HS6ST2: variants seen among roughly 807,000 people sequenced by gnomAD.
HS6ST2 encodes the protein heparan-sulfate 6-O-sulfotransferase 2.
Under a neutral mutation model 33.0 loss-of-function variants are expected in HS6ST2, and 17 were observed. The observed-to-expected ratio is 0.52, with a 90% CI of 0.35 to 0.77. The LOEUF (loss-of-function observed/expected upper bound fraction) is 0.77, where lower values mean the gene tolerates loss of function less well. HS6ST2 is among the 30% of genes least tolerant of loss of function. The probability of loss-of-function intolerance (pLI) is 0.01; values close to 1 mark genes in which losing one functional copy is unlikely to be tolerated. For missense variants in HS6ST2, 519 were observed against 551.7 expected, an observed-to-expected ratio of 0.94 and a Z score of 0.59; for synonymous variants, 248 against 237.1, an observed-to-expected ratio of 1.05 and a Z score of -0.42.
intron 4 of HS6ST2, among the ~76,000 whole-genome samples, chrX:132,640,279 G>A (rs2063592918): frequency 9.0e-6 from 1 of 110,750 alleles, no homozygotes; most frequent in Admixed American, 9.7e-5. Flanking sequence ...TGAGTGGGGA[G>A]AAGAGAGTTG....
chrX:132,713,917 C>T (rs1238913466), intron 2 of HS6ST2, among the ~76,000 whole-genome samples: 3 of 111,354 alleles, frequency 2.7e-5, no homozygotes, highest in Non-Finnish European at 5.7e-5. Context: ...CTTCTAGATC[C>T]AGAGGAATGA....
chrX:132,768,335 CAAAA>C (rs771487342), intron 2 of HS6ST2, among the ~76,000 whole-genome samples: 1 of 46,342 alleles, frequency 2.2e-5, no homozygotes. Flanking sequence ...GACTCTGTCT[CAAAA>C]AAAAAAAAAA....
chrX:132,666,296 T>C (rs1370897299), intron 4 of HS6ST2, among the ~76,000 whole-genome samples: 1 of 111,686 alleles, frequency 9.0e-6, no homozygotes, highest in Non-Finnish European at 1.9e-5. Flanking sequence ...AAATACCACG[T>C]TGTCATCCTC....
intron 2 of HS6ST2, among the ~76,000 whole-genome samples, chrX:132,788,942 T>C (rs1048669622): frequency 1.8e-5 from 2 of 112,493 alleles, no homozygotes; most frequent in African/African-American, 6.5e-5. Flanking sequence ...CAGAGGTTGG[T>C]TCATGAGGTT....
chrX:132,826,851 G>A (rs527388260), intron 2 of HS6ST2, among the ~76,000 whole-genome samples: 1 of 111,092 alleles, frequency 9.0e-6, no homozygotes, highest in South Asian at 3.8e-4. Context: ...TGGAGGGAAT[G>A]GGAGCTCCTG....
chrX:132,857,271 G>A (rs2065860844), intron 2 of HS6ST2, among the ~76,000 whole-genome samples: 1 of 111,694 alleles, frequency 9.0e-6, no homozygotes, highest in East Asian at 2.8e-4. Context: ...GGATCACGAG[G>A]TCAAGGGTTC....
intron 2 of HS6ST2, among the ~76,000 whole-genome samples, chrX:132,909,061 C>A (rs2066506091): frequency 9.2e-6 from 1 of 108,486 alleles, no homozygotes; most frequent in Middle Eastern, 4.3e-3. Flanking sequence ...CTTACAGGGC[C>A]TGCAGTTTGC....
At chrX:132,767,984 C>T (rs1219929014) in intron 2 of HS6ST2, among the ~76,000 whole-genome samples, 1 of 111,057 alleles carries the variant, frequency 9.0e-6, no homozygotes, top group African/African-American at 3.3e-5. Context: ...TAGACCTAGC[C>T]AGGGTCTCTC....
At chrX:132,813,042 A>G (rs747697533) in intron 2 of HS6ST2, among the ~76,000 whole-genome samples, 1 of 111,370 alleles carries the variant, frequency 9.0e-6, no homozygotes, top group Non-Finnish European at 1.9e-5. Flanking sequence ...AGATTCTGTC[A>G]TCTCTCTATA....
chrX:132,890,442 G>A (rs1200655670), intron 2 of HS6ST2, among the ~76,000 whole-genome samples: 2 of 105,721 alleles, frequency 1.9e-5, no homozygotes, highest in African/African-American at 6.9e-5. Flanking sequence ...GGCAAAACCC[G>A]CAATTACTTG....
chrX:132,851,638 C>T (rs2065802028), intron 2 of HS6ST2, among the ~76,000 whole-genome samples: 1 of 111,799 alleles, frequency 8.9e-6, no homozygotes, highest in Non-Finnish European at 1.9e-5. Context: ...GCTGGCTTCA[C>T]AGATCTATAT....
chrX:132,767,376 G>A (rs1438218761), intron 2 of HS6ST2, among the ~76,000 whole-genome samples: 3 of 111,532 alleles, frequency 2.7e-5, no homozygotes, highest in African/African-American at 9.8e-5. Flanking sequence ...ACATCACCAT[G>A]CCCAGTGATT....
At chrX:132,757,195 T>G (rs750718425) in intron 2 of HS6ST2, among the ~76,000 whole-genome samples, 1 of 111,904 alleles carries the variant, frequency 8.9e-6, no homozygotes, top group East Asian at 2.8e-4. Context: ...TAACTCACCC[T>G]TAGGCACAGG....
chrX:132,867,147 A>C (rs965877897), intron 2 of HS6ST2, among the ~76,000 whole-genome samples: 3 of 104,588 alleles, frequency 2.9e-5, no homozygotes, highest in Admixed American at 1.0e-4. Flanking sequence ...ATTTTGAGAT[A>C]GGTCCCATCA....
At chrX:132,750,879 C>T (rs1231996091) in intron 2 of HS6ST2, among the ~76,000 whole-genome samples, 1 of 112,138 alleles carries the variant, frequency 8.9e-6, no homozygotes, top group African/African-American at 3.2e-5. Flanking sequence ...ATGTAATAAG[C>T]CACAAACACC....
chrX:132,688,744 C>T (rs919685802), intron 3 of HS6ST2, among the ~76,000 whole-genome samples: 6 of 111,683 alleles, frequency 5.4e-5, no homozygotes, highest in African/African-American at 2.0e-4. Flanking sequence ...CACAGCCAAA[C>T]CATATCAAGT....
intron 2 of HS6ST2, among the ~76,000 whole-genome samples, chrX:132,866,329 T>C (rs1376199420): frequency 9.5e-6 from 1 of 105,475 alleles, no homozygotes; most frequent in Non-Finnish European, 1.9e-5. Context: ...TTCTGTTCCA[T>C]TGATCTATAT....
intron 2 of HS6ST2, among the ~76,000 whole-genome samples, chrX:132,809,107 G>T (rs191095720): frequency 2.9e-4 from 32 of 111,814 alleles, no homozygotes; most frequent in African/African-American, 1.0e-3. Flanking sequence ...TCCTGCATCA[G>T]CCTACAGAGT....
At position 132,670,440 on chromosome X, in the gene HS6ST2, T is replaced by A. The variant is rs150309458; in HGVS notation, c.981-1241A>T. Among the ~76,000 whole-genome samples, 38 of 110,545 alleles carry A rather than the reference T, an allele frequency of 3.4e-4. No homozygotes were observed. In the East Asian group the frequency reaches 0.011, roughly 32 times the overall value. On this transcript the variant is annotated intron_variant, in intron 3 of 4. Transcript: ENST00000370833. ...GGTGATTGCAAAGGTAATAAAGATG[T>A]GTGTGGGCATGGAAAAAGGCTGATC...
Sources: gnomAD v4.1 joint callset for allele counts (sites outside exome capture counted in the v4.1 genomes callset) on GRCh38, gnomAD v4.1.1 for gene constraint, MANE v1.5 for transcripts, NCBI Gene and HGNC (gene_info 2026-07-23, HGNC 2026-07-21) for gene names.